Variants in LCN2 observed in about 807,000 individuals in gnomAD.
LCN2 encodes the protein lipocalin 2.
In LCN2, 27 loss-of-function variants were observed where a neutral mutation model predicts 26.4. The ratio of observed to expected loss-of-function variants is 1.02; its 90% CI spans 0.76 to 1.41. LCN2 has a LOEUF of 1.41. Ranked by LOEUF, LCN2 falls within the 40% of genes most tolerant of loss-of-function variation. LCN2 has a pLI of 0.00. For missense variants in LCN2, 224 were observed against 237.6 expected, an observed-to-expected ratio of 0.94 and a Z score of 0.38; for synonymous variants, 94 against 98.9, an observed-to-expected ratio of 0.95 and a Z score of 0.30.
rs111459412 is a variant in LCN2 at position 128,153,052 on chromosome 9, GCA to G, written c.578-35_578-34del. On this transcript the variant is annotated intron_variant, in intron 5 of 6. Transcript: ENST00000277480. This position sits in a 1 kb window ranked among gnomAD's most constrained non-coding sequence, Gnocchi z 5.4. ...GGATCACACACACACACTCATACAC[GCA>G]CACACACACACAGCTGCCTGTTCTG... The G allele has an allele frequency of 4.1e-4, 606 of 1,483,782 alleles. No homozygotes were observed. Among genetic ancestry groups the G allele is most frequent in the Non-Finnish European group, 4.1e-4 (445 of 1,088,472 alleles). 91.9% of individuals were successfully genotyped at this position (1,483,782 alleles called of 1,614,324 possible). A position where few individuals can be genotyped will look rare whatever the true frequency, so the allele number is the denominator to read the frequency against.
At chr9:128,150,589 A>G (rs759809922) in intron 2 of LCN2, 37 of 709,350 alleles carry the variant, frequency 5.2e-5, no homozygotes, top group Middle Eastern at 4.6e-4. Context: ...GTTAGAAAAC[A>G]AGACGGAGAG....
chr9:128,153,294 T>A lies in LCN2; in HGVS notation c.*8-17T>A, dbSNP rs1014127599. On this transcript the variant is annotated splice_polypyrimidine_tract_variant and intron_variant, in intron 6 of 6. Coordinates refer to ENST00000277480, the MANE Select transcript of LCN2 (RefSeq NM_005564.5). This position sits in a 1 kb window ranked among gnomAD's most constrained non-coding sequence, Gnocchi z 5.4. ...CCCATTTCCCCACCCATCACCCTCA[T>A]ATCCACCTCTGTCCAGGGTGCCGCC... 1 of 770,166 alleles carries A rather than the reference T, an allele frequency of 1.3e-6. No homozygotes were observed. The highest frequency in any genetic ancestry group is 1.7e-5 in the African/African-American group (1 of 58,624). 47.7% of individuals were successfully genotyped at this position (770,166 alleles called of 1,614,324 possible).
At chr9:128,152,145 G>A (rs1451737637) in intron 4 of LCN2, 38 bp from the exon 5 acceptor site, 1 of 1,610,276 alleles carries the variant, frequency 6.2e-7, no homozygotes. Context: ...ATATTTATGT[G>A]GTGTCTGCCA....
Position 128,153,350 on chromosome 9 carries a change from G to A in LCN2, c.*47G>A. On this transcript the variant is annotated 3_prime_UTR_variant, in exon 7 of 7. Coordinates refer to ENST00000277480, the MANE Select transcript of LCN2 (RefSeq NM_005564.5). This position sits in a 1 kb window ranked among gnomAD's most constrained non-coding sequence, Gnocchi z 5.4. Reference sequence around the variant, plus strand: ...CCGCACCAGCCCGAACACCATTGAGGGAGCTGGGAGACCCTCCCCACAGTG... The same window carrying A: ...CCGCACCAGCCCGAACACCATTGAGAGAGCTGGGAGACCCTCCCCACAGTG... The A allele has an allele frequency of 3.3e-6, 2 of 603,152 alleles. No individual in the cohort carries two copies. Among genetic ancestry groups the A allele is most frequent in the East Asian group, 2.8e-5 (1 of 35,464 alleles). The allele number at this position is 603,152 out of a possible 1,614,324, so 37.4% of individuals were successfully genotyped here.
intron 5 of LCN2, 114 bp from the exon 6 acceptor site, chr9:128,152,986 C>T (rs1260945905): frequency 1.4e-6 from 2 of 1,475,794 alleles, no homozygotes; most frequent in Non-Finnish European, 9.4e-7. Flanking sequence ...CCAGGTGGGG[C>T]AGGGGCTGCC....
chr9:128,151,486 G>T (rs764525138), intron 2 of LCN2, 152 bp from the exon 3 acceptor site: 1 of 667,972 alleles, frequency 1.5e-6, no homozygotes, highest in Non-Finnish European at 2.8e-6. Flanking sequence ...GGTGGGGTAG[G>T]GCCCCTCCAG....
At position 128,153,358 on chromosome 9, in the gene LCN2, G is replaced by A; in HGVS notation, c.*55G>A. ...GCCCGAACACCATTGAGGGAGCTGGGAGACCCTCCCCACAGTGCCACCCAT... is the reference window on the plus strand; with the variant it reads ...GCCCGAACACCATTGAGGGAGCTGGAAGACCCTCCCCACAGTGCCACCCAT... On this transcript the variant is annotated 3_prime_UTR_variant, in exon 7 of 7. Transcript: ENST00000277480. This position sits in a 1 kb window ranked among gnomAD's most constrained non-coding sequence, Gnocchi z 5.4. The A allele has an allele frequency of 1.7e-6, 1 of 594,170 alleles. No homozygotes were observed. Among genetic ancestry groups the A allele is most frequent in the South Asian group, 1.9e-5 (1 of 52,434 alleles). 36.8% of individuals were successfully genotyped at this position (594,170 alleles called of 1,614,324 possible). A position where few individuals can be genotyped will look rare whatever the true frequency, so the allele number is the denominator to read the frequency against.
chr9:128,151,194 C>T (rs1835002584), intron 2 of LCN2, among the ~76,000 whole-genome samples: 1 of 151,948 alleles, frequency 6.6e-6, no homozygotes, highest in Non-Finnish European at 1.5e-5. Flanking sequence ...TCAGGTTTGA[C>T]CCGAGAGCTA....
intron 1 of LCN2, 145 bp from the exon 2 acceptor site, chr9:128,150,093 A>C (rs1483785245): frequency 7.0e-6 from 7 of 1,002,936 alleles, no homozygotes; most frequent in Non-Finnish European, 7.2e-6. Flanking sequence ...CCCCTTCACC[A>C]GTGCAGGCCC....
rs369894465 is a variant in LCN2, at chr9:128,153,081, C to T, written c.578-19C>T. On this transcript the variant is annotated intron_variant, in intron 5 of 6. Transcript: ENST00000277480. This position sits in a 1 kb window ranked among gnomAD's most constrained non-coding sequence, Gnocchi z 5.4. Reference sequence around the variant, plus strand: ...ACACACACACAGCTGCCTGTTCTGACGGACTTTCTCCCTAACAGACCAGTG... The same window carrying T: ...ACACACACACAGCTGCCTGTTCTGATGGACTTTCTCCCTAACAGACCAGTG... The T allele has an allele frequency of 1.5e-5, 24 of 1,613,994 alleles. No homozygotes were observed. The highest frequency in any genetic ancestry group is 4.5e-5 in the East Asian group (2 of 44,900).
At position 128,153,291 on chromosome 9, in the gene LCN2, T is replaced by G; in HGVS notation, c.*8-20T>G. On this transcript the variant is annotated intron_variant, in intron 6 of 6. Transcript: ENST00000277480. The surrounding 1 kb of genome is among the most constrained non-coding windows in gnomAD (Gnocchi z 5.4). ...CCTCCCATTTCCCCACCCATCACCC[T>G]CATATCCACCTCTGTCCAGGGTGCC... The G allele has an allele frequency of 1.3e-6, 1 of 793,028 alleles. No homozygotes were observed. The highest frequency in any genetic ancestry group is 2.1e-6 in the Non-Finnish European group (1 of 474,762). The allele number at this position is 793,028 out of a possible 1,614,324, so 49.1% of individuals were successfully genotyped here. A position where few individuals can be genotyped will look rare whatever the true frequency, so the allele number is the denominator to read the frequency against.
At chr9:128,150,406 G>T in intron 2 of LCN2, 32 bp downstream of exon 2, 14 of 1,614,162 alleles carry the variant, frequency 8.7e-6, no homozygotes, top group Non-Finnish European at 1.2e-5. Context: ...GGGTGTGAGA[G>T]TCAGACTGAC....
At position 128,152,154 on chromosome 9, in the gene LCN2, C is replaced by T. The variant is rs760577230; in HGVS notation, c.476-29C>T. 24 of 1,608,878 alleles carry T rather than the reference C, an allele frequency of 1.5e-5. No homozygotes were observed. In the East Asian group the frequency reaches 2.2e-4, roughly 15 times the overall value. On this transcript the variant is annotated intron_variant, in intron 4 of 6. Transcript: ENST00000277480. ...TCAACGATATTTATGTGGTGTCTGC[C>T]AGCCACTCACTGGCCATCTTGGTCA...
intron 5 of LCN2, 116 bp from the exon 6 acceptor site, chr9:128,152,984 G>T: frequency 6.8e-7 from 1 of 1,468,346 alleles, no homozygotes; most frequent in South Asian, 1.1e-5. Context: ...GGCCAGGTGG[G>T]GCAGGGGCTG....
chr9:128,151,470 C>T (rs776538682), intron 2 of LCN2, 168 bp from the exon 3 acceptor site: 9 of 648,106 alleles, frequency 1.4e-5, no homozygotes, highest in African/African-American at 3.6e-5. Flanking sequence ...AGGCCCATCT[C>T]GGCTGGGTGG....
At position 128,150,340 on chromosome 9, in the gene LCN2, G is replaced by A. The variant is rs1215310791; in HGVS notation, c.241G>A (p.Asp81Asn). The change falls in exon 2 of 7, where the codon GAC (aspartate) becomes AAC (asparagine). Residue 81 changes from aspartate (D) to asparagine (N), a missense_variant. Physicochemically the swap from Asp to Asn is conservative, Grantham distance 23. Coordinates refer to ENST00000277480, the MANE Select transcript of LCN2 (RefSeq NM_005564.5). ...MYATIYELKE[D>N]KSYNVTSVLF... ...TGCCACCATCTATGAGCTGAAAGAA[G>A]ACAAGAGCTACAATGTCACCTCCGT... 3 of 1,614,064 alleles carry A rather than the reference G, an allele frequency of 1.9e-6. No homozygotes were observed. The highest frequency in any genetic ancestry group is 2.5e-6 in the Non-Finnish European group (3 of 1,180,032).
At chr9:128,152,845 C>T (rs1396805557) in intron 5 of LCN2, among the ~76,000 whole-genome samples, 1 of 152,176 alleles carries the variant, frequency 6.6e-6, no homozygotes, top group East Asian at 1.9e-4. Context: ...CCTGGGTGCC[C>T]GAGGAGCCTG....
chr9:128,150,005 GT>G (rs954065742), intron 1 of LCN2, among the ~76,000 whole-genome samples: 20 of 151,944 alleles, frequency 1.3e-4, no homozygotes, highest in Middle Eastern at 3.2e-3. Flanking sequence ...CAGTGAGGAG[GT>G]CACCCTCCTC....
rs935590848 is a variant in LCN2, at chr9:128,151,327, G to A, written c.276-311G>A. 3.0e-5 allele frequency: 16 copies of A among 540,772 alleles called. 1 individual carries two copies. The highest frequency in any genetic ancestry group is 4.4e-5 in the Non-Finnish European group (13 of 295,830). 33.5% of individuals were successfully genotyped at this position (540,772 alleles called of 1,614,324 possible). A position where few individuals can be genotyped will look rare whatever the true frequency, so the allele number is the denominator to read the frequency against. On this transcript the variant is annotated intron_variant, in intron 2 of 6. Coordinates refer to ENST00000277480, the MANE Select transcript of LCN2 (RefSeq NM_005564.5). Reference sequence around the variant, plus strand: ...GCAGGGTTTCTGTGTGTTGGGTGGCGGGGGGGGTGAAAGCCACCCAGGGAG... The same window carrying A: ...GCAGGGTTTCTGTGTGTTGGGTGGCAGGGGGGGTGAAAGCCACCCAGGGAG...
Sources: allele counts gnomAD v4.1 joint callset (sites outside exome capture counted in the v4.1 genomes callset), GRCh38; gene constraint gnomAD v4.1.1; non-coding constraint Gnocchi (gnomAD v3.1); transcripts MANE v1.5; gene names NCBI Gene and HGNC (gene_info 2026-07-23, HGNC 2026-07-21).